INSL6: variants seen among roughly 807,000 people sequenced by gnomAD.
The protein encoded by INSL6 is insulin-like peptide INSL6.
A neutral mutation model predicts 9.4 loss-of-function variants in INSL6; 16 were observed. The observed-to-expected ratio is 1.70, with a 90% CI of 1.15 to 2.59. INSL6 has a LOEUF of 2.59. Ranked by LOEUF, INSL6 falls within the 30% of genes most tolerant of loss-of-function variation. The pLI is 0.00. For synonymous variants in INSL6, 154 were observed against 96.9 expected (o/e 1.59, Z -3.46); for missense variants, 391 against 257.3 (o/e 1.52, Z -3.56).
chr9:5,080,512 T>C, the INSL6 span: 7 of 1,570,864 alleles, frequency 4.5e-6, no homozygotes, highest in Non-Finnish European at 6.0e-6. Flanking sequence ...TTATTCTCAG[T>C]TTGTGGTTCT....
the INSL6 span, among the ~76,000 whole-genome samples, chr9:5,118,610 T>C: frequency 6.6e-6 from 1 of 152,206 alleles, no homozygotes; most frequent in Non-Finnish European, 1.5e-5. Context: ...ATTTCTATAA[T>C]GGGACAAGAT....
the INSL6 span, among the ~76,000 whole-genome samples, chr9:5,048,537 G>T: frequency 6.6e-6 from 1 of 152,188 alleles, no homozygotes; most frequent in East Asian, 1.9e-4. Flanking sequence ...TTACTTGCCT[G>T]TTCTCAAAAG....
chr9:5,026,866 T>C, the INSL6 span, among the ~76,000 whole-genome samples: 1 of 152,238 alleles, frequency 6.6e-6, no homozygotes, highest in Admixed American at 6.5e-5. Flanking sequence ...TTTAAGAAAT[T>C]ACATATGCAC....
chr9:5,157,538 C>T (rs1824838953), intron 2 of INSL6, among the ~76,000 whole-genome samples: 1 of 151,976 alleles, frequency 6.6e-6, no homozygotes, highest in South Asian at 2.1e-4. Context: ...AAAAAAAGAC[C>T]CTGACTTCCA....
At position 5,150,846 on chromosome 9, in the gene INSL6, G is replaced by GACACACACAC. The variant is rs59479266; in HGVS notation, c.376+13323_376+13332dup. ...CATCAACAGATGACTGGATAAAGGA[G>GACACACACAC]ACACACACACACACACACACACACA... is the stretch of plus-strand genomic sequence containing the variant. On this transcript the variant is annotated intron_variant, in intron 2 of 3. Coordinates refer to the INSL6 transcript ENST00000649639. 6.1e-3 allele frequency among the ~76,000 whole-genome samples: 889 copies of GACACACACAC among 146,366 alleles called. 7 individuals are homozygous for GACACACACAC. Among genetic ancestry groups the GACACACACAC allele is most frequent in the African/African-American group, 0.02 (806 of 39,828 alleles).
chr9:5,095,320 G>C, the INSL6 span, among the ~76,000 whole-genome samples: 393 of 152,020 alleles, frequency 2.6e-3, no homozygotes, highest in African/African-American at 9.3e-3. Flanking sequence ...TATCTGAACA[G>C]GCCTAGGAAT....
At chr9:5,159,798 C>T (rs1449687761), downstream of INSL6, among the ~76,000 whole-genome samples, 1 of 152,176 alleles carries the variant, frequency 6.6e-6, no homozygotes, top group Non-Finnish European at 1.5e-5. Context: ...ACAAACAGAC[C>T]TAATAGGTAT....
the INSL6 span, chr9:5,113,925 G>T: frequency 1.3e-5 from 3 of 237,202 alleles, no homozygotes; most frequent in South Asian, 1.6e-4. Context: ...ACTTACCCCC[G>T]ACCATCCAGT....
the INSL6 span, among the ~76,000 whole-genome samples, chr9:5,012,912 A>C: frequency 2.0e-5 from 3 of 152,304 alleles, no homozygotes; most frequent in East Asian, 5.8e-4. Context: ...ACTTAGGGAA[A>C]ATAGTTAGGA....
the INSL6 span, chr9:5,090,696 T>C: frequency 6.4e-7 from 1 of 1,551,442 alleles, no homozygotes; most frequent in Non-Finnish European, 8.7e-7. Context: ...TTAAATTGTT[T>C]ATATTTATAA....
chr9:5,160,445 A>G (rs1464084238), downstream of INSL6, among the ~76,000 whole-genome samples: 1 of 152,172 alleles, frequency 6.6e-6, no homozygotes. Context: ...ATACAGGGAA[A>G]GCAGTACTGA....
the INSL6 span, among the ~76,000 whole-genome samples, chr9:4,996,349 G>A: frequency 6.6e-6 from 1 of 152,186 alleles, no homozygotes; most frequent in Non-Finnish European, 1.5e-5. Context: ...TTGGGAGGCT[G>A]AGACAGGAGA....
the INSL6 span, among the ~76,000 whole-genome samples, chr9:5,067,966 A>G: frequency 6.6e-6 from 1 of 152,034 alleles, no homozygotes; most frequent in East Asian, 1.9e-4. Context: ...ATCCTGGCCA[A>G]TGTGGTGAAA....
chr9:5,044,524 T>A, the INSL6 span: 2 of 1,487,634 alleles, frequency 1.3e-6, no homozygotes, highest in Non-Finnish European at 1.9e-6. Context: ...TGCTCAGGTA[T>A]GATTATATTA....
At chr9:5,032,575 A>G in the INSL6 span, among the ~76,000 whole-genome samples, 15 of 152,288 alleles carry the variant, frequency 9.8e-5, no homozygotes, top group Admixed American at 9.2e-4. Context: ...AGGCAGCAAC[A>G]TTTGCTGCTC....
At chr9:5,029,162 CTAGAGGCCATTGTAGGAT>C in the INSL6 span, among the ~76,000 whole-genome samples, 1 of 152,024 alleles carries the variant, frequency 6.6e-6, no homozygotes, top group Non-Finnish European at 1.5e-5. Context: ...CCTTGAATGC[CTAGAGGCCATTGTAGGAT>C]TATTAATTGG....
the INSL6 span, among the ~76,000 whole-genome samples, chr9:5,064,147 C>G: frequency 2.6e-5 from 4 of 151,796 alleles, no homozygotes; most frequent in African/African-American, 9.7e-5. Context: ...CAGAGCAAGA[C>G]TCTGACTGGG....
At chr9:4,992,556 C>G in the INSL6 span, among the ~76,000 whole-genome samples, 1 of 152,174 alleles carries the variant, frequency 6.6e-6, no homozygotes, top group African/African-American at 2.4e-5. Context: ...CTGAAATACA[C>G]GCAAAATACA....
At chr9:5,014,646 A>G in the INSL6 span, among the ~76,000 whole-genome samples, 1 of 152,212 alleles carries the variant, frequency 6.6e-6, no homozygotes, top group Non-Finnish European at 1.5e-5. Context: ...ACATAGGTAT[A>G]TGCAGTGTCC....
Sources: gnomAD v4.1 joint callset for allele counts (sites outside exome capture counted in the v4.1 genomes callset) on GRCh38, gnomAD v4.1.1 for gene constraint, MANE v1.5 for transcripts, NCBI Gene and HGNC (gene_info 2026-07-23, HGNC 2026-07-21) for gene names.